CD24: variants seen among roughly 807,000 people sequenced by gnomAD.
CD24 encodes signal transducer CD24.
CD24 carries 2 observed loss-of-function variants against 3.6 expected under a neutral mutation model. The ratio of observed to expected loss-of-function variants is 0.56; its 90% CI spans 0.23 to 1.77. The LOEUF is 1.77. Ranked by LOEUF, CD24 falls within the 40% of genes most tolerant of loss-of-function variation. The probability of loss-of-function intolerance (pLI) is 0.18; values close to 1 mark genes in which losing one functional copy is unlikely to be tolerated. For missense variants in CD24, 62 were observed against 93.6 expected (o/e 0.66, Z 1.39); for synonymous variants, 33 against 44.9 (o/e 0.74, Z 1.06).
At chr6:106,972,112 A>G (rs1772985978) in intron 1 of CD24, among the ~76,000 whole-genome samples, 1 of 152,246 alleles carries the variant, frequency 6.6e-6, no homozygotes, top group Admixed American at 6.5e-5. Flanking sequence ...TTCTTTGCAA[A>G]GGAAAAAAGG....
Position 106,970,150 on chromosome 6 carries a change from T to C in CD24, c.*1511A>G, listed in dbSNP as rs1772934211. Reference sequence around the variant, plus strand: ...TGCGAACAAAAGACTTCGGGGAGTGTCTATTTTTAAAAAGGTTTATGTGTG... The same window carrying C: ...TGCGAACAAAAGACTTCGGGGAGTGCCTATTTTTAAAAAGGTTTATGTGTG... On this transcript the variant is annotated 3_prime_UTR_variant, in exon 2 of 2. Coordinates refer to ENST00000606017, the MANE Select transcript of CD24 (RefSeq NM_001359084.1). 2 of 152,466 alleles carry C rather than the reference T, an allele frequency of 1.3e-5. No homozygotes were observed. The highest frequency in any genetic ancestry group is 1.9e-4 in the East Asian group (1 of 5,198). 9.4% of individuals were successfully genotyped at this position (152,466 alleles called of 1,614,324 possible).
upstream of CD24, among the ~76,000 whole-genome samples, chr6:106,976,741 CCTGTAAT>C (rs1429201818): frequency 6.6e-6 from 1 of 152,120 alleles, no homozygotes; most frequent in African/African-American, 2.4e-5. Context: ...GTTGCTCATA[CCTGTAAT>C]CCCAGCTACT....
At chr6:106,973,621 G>A in intron 1 of CD24, 1 of 398,492 alleles carries the variant, frequency 2.5e-6, no homozygotes, top group Non-Finnish European at 4.4e-6. Context: ...AGGCGCTGGA[G>A]AGCCGTCACT....
intron 1 of CD24, chr6:106,973,682 CGCCCCCGCTAG>C (rs1385525442): frequency 2.5e-6 from 1 of 398,674 alleles, no homozygotes; most frequent in African/African-American, 2.1e-5. Flanking sequence ...TCTTCGCCCC[CGCCCCCGCTAG>C]GGTCTCCCAG....
In CD24 at chr6:106,971,038, A is replaced by C. The variant is rs1298024025; in HGVS notation, c.*623T>G. The C allele has an allele frequency of 1.3e-5, 2 of 152,422 alleles. No individual in the cohort carries two copies. Among genetic ancestry groups the C allele is most frequent in the African/African-American group, 4.8e-5 (2 of 41,436 alleles). The allele number at this position is 152,422 out of a possible 1,614,324, so 9.4% of individuals were successfully genotyped here. A position where few individuals can be genotyped will look rare whatever the true frequency, so the allele number is the denominator to read the frequency against. On this transcript the variant is annotated 3_prime_UTR_variant, in exon 2 of 2. Coordinates refer to ENST00000606017, the MANE Select transcript of CD24 (RefSeq NM_001359084.1). ...CCTGGCACATGTCAATTACTACATA[A>C]AAGGTCAAATGCAATGTCAAATCCA...
At chr6:106,975,819 T>TG (rs1773099944), upstream of CD24, among the ~76,000 whole-genome samples, 1 of 152,248 alleles carries the variant, frequency 6.6e-6, no homozygotes, top group African/African-American at 2.4e-5. Context: ...CTCGAATTCC[T>TG]GGGGATACAC....
At chr6:106,976,162 A>C (rs1773105491), upstream of CD24, among the ~76,000 whole-genome samples, 1 of 152,124 alleles carries the variant, frequency 6.6e-6, no homozygotes, top group Non-Finnish European at 1.5e-5. Context: ...TATGGTTGTA[A>C]ATTTGTTTAA....
chr6:106,971,889 G>A (rs1772981234), intron 1 of CD24, 55 bp from the exon 2 acceptor site: 21 of 1,113,642 alleles, frequency 1.9e-5, no homozygotes, highest in South Asian at 1.4e-4. Flanking sequence ...CTACCTCCAT[G>A]TACTCTCATA....
rs1772927230 is a variant in CD24 at position 106,969,926 on chromosome 6, C to T, written c.*1735G>A. On this transcript the variant is annotated 3_prime_UTR_variant, in exon 2 of 2. Coordinates refer to ENST00000606017, the MANE Select transcript of CD24 (RefSeq NM_001359084.1). The stretch of plus-strand genomic sequence containing the variant: ...ATGAATCAAAGCGTAAATACACAAA[C>T]ACAATATACAATCCAAAATAGATGT... 6.6e-6 allele frequency: 1 copy of T among 152,450 alleles called. No individual in the cohort carries two copies. The highest frequency in any genetic ancestry group is 2.1e-4 in the South Asian group (1 of 4,816). The allele number at this position is 152,450 out of a possible 1,614,324, so 9.4% of individuals were successfully genotyped here.
chr6:106,974,630 A>T lies in CD24; in HGVS notation c.17T>A (p.Val6Glu). The change falls in exon 1 of 2, where the codon GTG becomes GAG. Residue 6 changes from valine (V) to glutamate (E), a missense_variant. Val to Glu is a moderately radical substitution (Grantham distance 121). Coordinates refer to ENST00000606017, the MANE Select transcript of CD24 (RefSeq NM_001359084.1). ...CAGCAGCCCCAGCCCGAGCCTGGCCACCATTGCTCTGCCCATGTCCCCTCC... is the reference window on the plus strand; with the variant it reads ...CAGCAGCCCCAGCCCGAGCCTGGCCTCCATTGCTCTGCCCATGTCCCCTCC... Reference protein sequence around the residue: MGRAMVARLGLGLLLL... With the variant: MGRAMEARLGLGLLLL... The T allele has an allele frequency of 6.7e-7, 1 of 1,482,744 alleles. No homozygotes were observed. The highest frequency in any genetic ancestry group is 8.9e-7 in the Non-Finnish European group (1 of 1,121,220). 91.8% of individuals were successfully genotyped at this position (1,482,744 alleles called of 1,614,324 possible).
At position 106,970,266 on chromosome 6, in the gene CD24, C is replaced by T. The variant is rs1195310300; in HGVS notation, c.*1395G>A. 1.3e-5 allele frequency: 2 copies of T among 152,566 alleles called. No individual in the cohort carries two copies. Among genetic ancestry groups the T allele is most frequent in the African/African-American group, 4.8e-5 (2 of 41,506 alleles). 9.5% of individuals were successfully genotyped at this position (152,566 alleles called of 1,614,324 possible). ...ACTATCTAAAAATATTGACTGATAA[C>T]AAAAAGTGTTCTAAATGTGGCTATT... On this transcript the variant is annotated 3_prime_UTR_variant, in exon 2 of 2. Coordinates refer to ENST00000606017, the MANE Select transcript of CD24 (RefSeq NM_001359084.1).
chr6:106,974,842 C>T (rs1773067591), upstream of CD24: 2 of 335,218 alleles, frequency 6.0e-6, no homozygotes, highest in Non-Finnish European at 1.0e-5. Context: ...CGCCTCCCCG[C>T]CTTCCCCGCC....
chr6:106,971,906 T>G (rs1484309990), intron 1 of CD24, 72 bp from the exon 2 acceptor site: 3 of 988,366 alleles, frequency 3.0e-6, no homozygotes, highest in Non-Finnish European at 4.5e-6. Flanking sequence ...CATATAAAAT[T>G]AAAGTAGGTG....
upstream of CD24, among the ~76,000 whole-genome samples, chr6:106,976,333 G>A (rs1338621308): frequency 6.6e-6 from 1 of 152,190 alleles, no homozygotes; most frequent in Non-Finnish European, 1.5e-5. Flanking sequence ...CTTTTGCGTG[G>A]CAGTCTCATT....
At chr6:106,974,548 C>T (rs1393699433) in intron 1 of CD24, 30 bp downstream of exon 1, 6 of 1,381,868 alleles carry the variant, frequency 4.3e-6, no homozygotes, top group Non-Finnish European at 5.7e-6. Flanking sequence ...GGGAACGGCC[C>T]TCGAGCCCCG....
chr6:106,973,193 G>A (rs895129960), intron 1 of CD24, among the ~76,000 whole-genome samples: 4,142 of 152,216 alleles, frequency 0.027, 212 homozygotes, highest in African/African-American at 0.096. Flanking sequence ...AAAACCTGGT[G>A]TATCAATCTG....
At chr6:106,973,419 G>C (rs1055266821) in intron 1 of CD24, 1 of 375,684 alleles carries the variant, frequency 2.7e-6, no homozygotes, top group East Asian at 3.9e-5. Context: ...AATTGAGGAA[G>C]GCTCGGGAGC....
At chr6:106,975,887 G>T (rs1365445421), upstream of CD24, among the ~76,000 whole-genome samples, 1 of 152,206 alleles carries the variant, frequency 6.6e-6, no homozygotes, top group Non-Finnish European at 1.5e-5. Flanking sequence ...CGAGATAAAG[G>T]CATTTACTTA....
upstream of CD24, chr6:106,975,136 C>G (rs1485442503): frequency 3.9e-5 from 6 of 152,176 alleles, no homozygotes; most frequent in Non-Finnish European, 5.9e-5. Context: ...CATCTTACCC[C>G]CCAAAAGAAA....
Sources: gnomAD v4.1 joint callset for allele counts (sites outside exome capture counted in the v4.1 genomes callset) on GRCh38, gnomAD v4.1.1 for gene constraint, MANE v1.5 for transcripts, NCBI Gene and HGNC (gene_info 2026-07-23, HGNC 2026-07-21) for gene names.